Variants in PTPRG observed in about 807,000 individuals in gnomAD.
PTPRG encodes receptor-type tyrosine-protein phosphatase gamma.
In PTPRG, 102 loss-of-function variants were observed where a neutral mutation model predicts 165.3. That is an observed-to-expected ratio of 0.62 (90% CI 0.53 to 0.73). PTPRG has a LOEUF of 0.73. Among genes scored for constraint, PTPRG ranks in the 30% least tolerant of loss-of-function variants. The probability of loss-of-function intolerance (pLI) is 0.00; values close to 1 mark genes in which losing one functional copy is unlikely to be tolerated. For synonymous variants in PTPRG, 675 were observed against 669.5 expected (o/e 1.01, Z -0.13); for missense variants, 1,866 against 1,861.4 (o/e 1.00, Z -0.05).
chr3:61,830,404 A>G (rs1437170829), intron 2 of PTPRG, among the ~76,000 whole-genome samples: 2 of 151,640 alleles, frequency 1.3e-5, no homozygotes, highest in Non-Finnish European at 2.9e-5. Flanking sequence ...GAAATCTGTC[A>G]ATCTCTCCAA....
At chr3:61,932,818 A>T (rs898152607) in intron 2 of PTPRG, among the ~76,000 whole-genome samples, 2 of 152,128 alleles carry the variant, frequency 1.3e-5, no homozygotes, top group Non-Finnish European at 2.9e-5. Flanking sequence ...GCTTTCCCTT[A>T]TGGGTTTTTC....
At chr3:61,945,472 T>G (rs976387200) in intron 2 of PTPRG, among the ~76,000 whole-genome samples, 1 of 145,502 alleles carries the variant, frequency 6.9e-6, no homozygotes, top group Non-Finnish European at 1.5e-5. Flanking sequence ...GGCAGGAGAA[T>G]TGCTTGAACC....
At chr3:61,904,131 T>C (rs1025640799) in intron 2 of PTPRG, among the ~76,000 whole-genome samples, 5 of 152,156 alleles carry the variant, frequency 3.3e-5, no homozygotes, top group Non-Finnish European at 4.4e-5. Flanking sequence ...CTGTGCCTCC[T>C]CTCTGGCGTA....
chr3:61,664,273 A>C (rs947412657), intron 1 of PTPRG, among the ~76,000 whole-genome samples: 2 of 152,150 alleles, frequency 1.3e-5, no homozygotes, highest in Non-Finnish European at 2.9e-5. Context: ...AGGTAACATT[A>C]CAGTTGTGAG....
In PTPRG at chr3:62,296,339, A is replaced by G. The variant is rs1703062188; in HGVS notation, c.*3032A>G. On this transcript the variant is annotated 3_prime_UTR_variant, in exon 30 of 30. Coordinates refer to ENST00000474889, the MANE Select transcript of PTPRG (RefSeq NM_002841.4). ...TTCTGGTTGTTGGAGTTTTTAGCCC[A>G]GAGTGACATACTGAAATCAGTAAAT... 1 of 152,154 alleles carries G rather than the reference A, an allele frequency of 6.6e-6. No homozygotes were observed. The highest frequency in any genetic ancestry group is 2.4e-5 in the African/African-American group (1 of 41,538). 9.4% of individuals were successfully genotyped at this position (152,154 alleles called of 1,614,324 possible).
rs762988412 is a variant in PTPRG, at chr3:62,168,052, C to T, written c.922C>T (p.Pro308Ser). ...SVEYLRNNFRPQQRLHDRVVS... is the reference protein window; with the variant it reads ...SVEYLRNNFRSQQRLHDRVVS... Reference sequence around the variant, plus strand: ...GGAGTATCTGAGAAATAACTTTCGACCACAGCAGCGTCTGCATGACAGGGT... The same window carrying T: ...GGAGTATCTGAGAAATAACTTTCGATCACAGCAGCGTCTGCATGACAGGGT... The change falls in exon 8 of 30, where the codon CCA becomes TCA. Residue 308 changes from proline (P) to serine (S), a missense_variant. This residue lies in a region of PTPRG where 1,452 missense variants were observed against 1,463.0 expected (regional missense o/e 0.99). Coordinates refer to ENST00000474889, the MANE Select transcript of PTPRG (RefSeq NM_002841.4). The T allele has an allele frequency of 1.9e-6, 3 of 1,613,984 alleles. No homozygotes were observed. The highest frequency in any genetic ancestry group is 2.5e-6 in the Non-Finnish European group (3 of 1,179,942).
intron 2 of PTPRG, among the ~76,000 whole-genome samples, chr3:61,754,969 A>G (rs1430771206): frequency 2.0e-5 from 3 of 151,464 alleles, no homozygotes. Context: ...TTCTCTTCCT[A>G]ATAGAGACCT....
At position 61,630,075 on chromosome 3, in the gene PTPRG, A is replaced by G. The variant is rs533351376; in HGVS notation, c.85+67703A>G. ...CTGGCCATGGCCTTATGACTGAGAC[A>G]TGCATATAAGTGGTGGTTCTTGGCC... On this transcript the variant is annotated intron_variant, in intron 1 of 29. Coordinates refer to ENST00000474889, the MANE Select transcript of PTPRG (RefSeq NM_002841.4). 2.6e-5 allele frequency among the ~76,000 whole-genome samples: 4 copies of G among 152,362 alleles called. No homozygotes were observed. The East Asian group carries it at 5.8e-4, about 22-fold the overall frequency.
intron 2 of PTPRG, among the ~76,000 whole-genome samples, chr3:61,841,333 C>G (rs956467424): frequency 1.3e-5 from 2 of 152,166 alleles, no homozygotes; most frequent in Non-Finnish European, 2.9e-5. Context: ...CGGCCAGGTG[C>G]ACTCTCTAGG....
intron 2 of PTPRG, among the ~76,000 whole-genome samples, chr3:61,987,161 G>GT (rs1298306034): frequency 6.6e-6 from 1 of 152,184 alleles, no homozygotes; most frequent in Admixed American, 6.5e-5. Context: ...TGACATAGGG[G>GT]TTTTTGCAAG....
intron 3 of PTPRG, among the ~76,000 whole-genome samples, chr3:61,995,523 T>C (rs17334158): frequency 0.11 from 17,443 of 152,076 alleles, 1,271 homozygotes; most frequent in Middle Eastern, 0.24. Flanking sequence ...CGGATGCCTT[T>C]AGTAATCAAG....
intron 1 of PTPRG, among the ~76,000 whole-genome samples, chr3:61,590,836 G>A (rs996593136): frequency 3.3e-5 from 5 of 151,910 alleles, no homozygotes; most frequent in African/African-American, 9.7e-5. Context: ...TGTTGCAGAG[G>A]TGCCATATGC....
intron 2 of PTPRG, among the ~76,000 whole-genome samples, chr3:61,929,981 T>A (rs1345117412): frequency 6.6e-6 from 1 of 152,198 alleles, no homozygotes; most frequent in Non-Finnish European, 1.5e-5. Flanking sequence ...TAATGCTCTT[T>A]CTTGCCCTGG....
intron 7 of PTPRG, among the ~76,000 whole-genome samples, chr3:62,158,898 A>G (rs535954212): frequency 6.6e-6 from 1 of 152,276 alleles, no homozygotes; most frequent in South Asian, 2.1e-4. Context: ...TTTCTTCCTA[A>G]TGGTGATGCC....
At chr3:62,106,825 A>T (rs756487964) in intron 5 of PTPRG, among the ~76,000 whole-genome samples, 1 of 152,156 alleles carries the variant, frequency 6.6e-6, no homozygotes, top group East Asian at 1.9e-4. Context: ...TTTTAATTGT[A>T]TCTATTTCCA....
At chr3:61,994,915 T>C (rs2040983233) in intron 3 of PTPRG, among the ~76,000 whole-genome samples, 2 of 152,228 alleles carry the variant, frequency 1.3e-5, no homozygotes, top group African/African-American at 2.4e-5. Context: ...AGATACTCTT[T>C]GCCCTGTTGA....
Position 62,275,947 on chromosome 3 carries a change from A to G in PTPRG, c.3540A>G (p.Arg1180=), listed in dbSNP as rs757280326. Residue 1180 remains arginine, a synonymous_variant, in exon 24 of 30, where the codon AGA becomes AGG. Coordinates refer to ENST00000474889, the MANE Select transcript of PTPRG (RefSeq NM_002841.4). ...AQKECNKEKN[R]NSSVVPSERA... is the part of the protein sequence containing the mutation. ...AAGAGTGTAACAAAGAAAAGAACAG[A>G]AACTCTTCAGTTGTGCCATGTAAGA... 6.8e-6 allele frequency: 11 copies of G among 1,610,050 alleles called. No homozygotes were observed. Among genetic ancestry groups the G allele is most frequent in the Non-Finnish European group, 9.3e-6 (11 of 1,176,778 alleles).
chr3:62,124,293 G>T, intron 5 of PTPRG: 12 of 1,585,758 alleles, frequency 7.6e-6, no homozygotes, highest in Non-Finnish European at 1.0e-5. Flanking sequence ...TCCGTGTTGA[G>T]GGTGGTCAGC....
chr3:62,233,603 C>G lies in PTPRG; in HGVS notation c.2375+2292C>G, dbSNP rs1322573740. Among the ~76,000 whole-genome samples the G allele has an allele frequency of 6.6e-6, 1 of 152,158 alleles. No individual in the cohort carries two copies. Among genetic ancestry groups the G allele is most frequent in the African/African-American group, 2.4e-5 (1 of 41,434 alleles). ...GGCCAGGAATCAAAAGAAGAGCCCC[C>G]AGTGATAGCTAAATTGCAACCCTCC... On this transcript the variant is annotated intron_variant, in intron 14 of 29. Transcript: ENST00000474889. This position sits in a 1 kb window ranked among gnomAD's most constrained non-coding sequence, Gnocchi z 4.7.
Sources: gnomAD v4.1 joint callset for allele counts (sites outside exome capture counted in the v4.1 genomes callset) on GRCh38, gnomAD v4.1.1 for gene constraint, gnomAD v4.1.1 regional missense constraint, Gnocchi (gnomAD v3.1) non-coding constraint, MANE v1.5 for transcripts, NCBI Gene and HGNC (gene_info 2026-07-23, HGNC 2026-07-21) for gene names.